SHANK2: variants seen among roughly 807,000 people sequenced by gnomAD.
SHANK2 encodes SH3 and multiple ankyrin repeat domains protein 2.
In SHANK2, 43 loss-of-function variants were observed where a neutral mutation model predicts 133.7. That is an observed-to-expected ratio of 0.32 (90% CI 0.25 to 0.41). SHANK2 has a LOEUF of 0.41. Ranked by LOEUF, SHANK2 falls within the 10% of genes least tolerant of loss-of-function variation. SHANK2 has a pLI of 1.00. For missense variants in SHANK2, 1,994 were observed against 2,235.8 expected (o/e 0.89, Z 2.18); for synonymous variants, 1,017 against 952.8 (o/e 1.07, Z -1.24).
intron 25 of SHANK2, among the ~76,000 whole-genome samples, chr11:70,483,583 C>A (rs771714981): frequency 6.9e-6 from 1 of 145,642 alleles, no homozygotes. Flanking sequence ...TGGTGGCATG[C>A]GTCTATTGTC....
intron 6 of SHANK2, among the ~76,000 whole-genome samples, chr11:71,108,530 C>G (rs911110029): frequency 6.6e-6 from 1 of 152,194 alleles, no homozygotes; most frequent in Non-Finnish European, 1.5e-5. Flanking sequence ...GATGTCCCTA[C>G]CAACACAAGC....
intron 17 of SHANK2, among the ~76,000 whole-genome samples, chr11:70,637,672 C>G (rs1310212098): frequency 6.6e-6 from 1 of 152,204 alleles, no homozygotes; most frequent in East Asian, 1.9e-4. Flanking sequence ...GTGAGGCTGG[C>G]GCCCTGGCGA....
intron 14 of SHANK2, among the ~76,000 whole-genome samples, chr11:70,718,830 G>A (rs1454666303): frequency 1.3e-5 from 2 of 151,338 alleles, no homozygotes; most frequent in East Asian, 1.9e-4. Flanking sequence ...CTCAATGGAT[G>A]TCCTTCATCC....
chr11:70,672,082 T>A (rs1206092986), intron 15 of SHANK2, among the ~76,000 whole-genome samples: 3 of 146,284 alleles, frequency 2.1e-5, no homozygotes, highest in South Asian at 4.3e-4. Flanking sequence ...TTTTTTTTTT[T>A]AGAGGGAGTC....
At chr11:70,936,653 A>G (rs1168738090) in intron 10 of SHANK2, among the ~76,000 whole-genome samples, 1 of 152,206 alleles carries the variant, frequency 6.6e-6, no homozygotes, top group Non-Finnish European at 1.5e-5. Flanking sequence ...GTCTCTGAAG[A>G]TCATGTTAGC....
At chr11:70,709,794 G>A (rs1301753117) in intron 14 of SHANK2, among the ~76,000 whole-genome samples, 4 of 152,080 alleles carry the variant, frequency 2.6e-5, no homozygotes, top group African/African-American at 4.8e-5. Context: ...CCTGGCGAGC[G>A]AGTCCATGTG....
chr11:70,661,534 C>T (rs2061489429), intron 16 of SHANK2, 62 bp downstream of exon 16: 6 of 687,936 alleles, frequency 8.7e-6, no homozygotes, highest in Non-Finnish European at 1.2e-5. Flanking sequence ...CACACACACA[C>T]ACACACACAC....
At chr11:70,657,405 T>G (rs1018611142) in intron 17 of SHANK2, among the ~76,000 whole-genome samples, 1 of 152,234 alleles carries the variant, frequency 6.6e-6, no homozygotes, top group Non-Finnish European at 1.5e-5. Context: ...GCACCTATTA[T>G]GCTATACAAG....
intron 1 of SHANK2, among the ~76,000 whole-genome samples, chr11:71,227,320 C>A (rs1449389196): frequency 6.6e-6 from 1 of 151,666 alleles, no homozygotes; most frequent in African/African-American, 2.4e-5. Context: ...TAAATGAGGT[C>A]TATAAAAATT....
chr11:70,704,393 G>A (rs548622140), intron 14 of SHANK2, among the ~76,000 whole-genome samples: 48 of 152,310 alleles, frequency 3.2e-4, no homozygotes, highest in Non-Finnish European at 6.3e-4. Context: ...GGACACAGCC[G>A]CTTCCCTTCC....
intron 2 of SHANK2, among the ~76,000 whole-genome samples, chr11:71,180,741 G>A (rs782055422): frequency 6.6e-6 from 1 of 151,986 alleles, no homozygotes; most frequent in Non-Finnish European, 1.5e-5. Context: ...TTTCAGCTCA[G>A]GAACTTACAC....
At chr11:70,546,081 T>A (rs7124443) in intron 17 of SHANK2, among the ~76,000 whole-genome samples, 81,359 of 144,496 alleles carry the variant, frequency 0.56, 22,852 homozygotes, top group Middle Eastern at 0.63. Flanking sequence ...TTGTTTTTTA[T>A]AAATTTATTT....
At chr11:70,477,319 C>G (rs1591477647) in intron 25 of SHANK2, 1 of 152,218 alleles carries the variant, frequency 6.6e-6, no homozygotes, top group Non-Finnish European at 1.5e-5. Context: ...CAGACCCTGG[C>G]TGAAAGCCCA....
intron 17 of SHANK2, among the ~76,000 whole-genome samples, chr11:70,526,653 A>G (rs1267872218): frequency 6.6e-6 from 1 of 152,192 alleles, no homozygotes; most frequent in South Asian, 2.1e-4. Context: ...GCCAGAGGCT[A>G]TGCTTCCCAG....
At chr11:70,893,521 C>G (rs1054648356) in intron 11 of SHANK2, among the ~76,000 whole-genome samples, 3 of 152,252 alleles carry the variant, frequency 2.0e-5, no homozygotes, top group African/African-American at 7.2e-5. Flanking sequence ...CTAGAGGACT[C>G]AGCCTCCACA....
Position 70,860,525 on chromosome 11 carries a change from T to C in SHANK2, c.1174+35976A>G, listed in dbSNP as rs1416601723. Among the ~76,000 whole-genome samples, 3 of 152,338 alleles carry C rather than the reference T, an allele frequency of 2.0e-5. No individual in the cohort carries two copies. The East Asian group carries it at 5.8e-4, about 29-fold the overall frequency. ...CCATCTTCAATCCCGATGTGTGCAG[T>C]GGGAGACTGCGAGGTCCCCAGGGAC... On this transcript the variant is annotated intron_variant, in intron 11 of 25. Transcript: ENST00000601538.
intron 12 of SHANK2, among the ~76,000 whole-genome samples, chr11:70,817,393 G>C (rs1169817158): frequency 6.6e-6 from 1 of 152,204 alleles, no homozygotes; most frequent in East Asian, 1.9e-4. Flanking sequence ...GGAAAGGGAA[G>C]ATGGAACAAG....
intron 10 of SHANK2, among the ~76,000 whole-genome samples, chr11:70,904,918 C>T (rs1195245849): frequency 6.6e-6 from 1 of 152,204 alleles, no homozygotes; most frequent in Non-Finnish European, 1.5e-5. Context: ...ATTGTGAGGC[C>T]TCCCCAGCCA....
At chr11:70,771,768 T>C (rs1947256228) in intron 14 of SHANK2, among the ~76,000 whole-genome samples, 1 of 152,156 alleles carries the variant, frequency 6.6e-6, no homozygotes, top group Non-Finnish European at 1.5e-5. Context: ...CGGCCACTGA[T>C]GGATTTAGGA....
Sources: gnomAD v4.1 joint callset for allele counts (sites outside exome capture counted in the v4.1 genomes callset) on GRCh38, gnomAD v4.1.1 for gene constraint, MANE v1.5 for transcripts, NCBI Gene and HGNC (gene_info 2026-07-23, HGNC 2026-07-21) for gene names.